IGSF11: variants seen among roughly 807,000 people sequenced by gnomAD.
IGSF11 encodes immunoglobulin superfamily member 11.
IGSF11 carries 22 observed loss-of-function variants against 41.0 expected under a neutral mutation model. The observed-to-expected ratio is 0.54, with a 90% CI of 0.38 to 0.77. The LOEUF is 0.77. Among genes scored for constraint, IGSF11 ranks in the 30% least tolerant of loss-of-function variants. IGSF11 has a pLI of 0.00. For synonymous variants in IGSF11, 219 were observed against 201.3 expected, an observed-to-expected ratio of 1.09 and a Z score of -0.74; for missense variants, 444 against 530.8, an observed-to-expected ratio of 0.84 and a Z score of 1.61.
At chr3:119,011,284 T>C (rs1003172220) in intron 1 of IGSF11, among the ~76,000 whole-genome samples, 2 of 151,810 alleles carry the variant, frequency 1.3e-5, no homozygotes, top group African/African-American at 2.4e-5. Flanking sequence ...AAATGGCCTG[T>C]AGAACCAACA....
intron 1 of IGSF11, among the ~76,000 whole-genome samples, chr3:119,059,615 A>G (rs1448300306): frequency 1.3e-5 from 2 of 152,104 alleles, no homozygotes; most frequent in East Asian, 3.8e-4. Context: ...GGGAAAGGGT[A>G]TTGGTGGATG....
intron 4 of IGSF11, among the ~76,000 whole-genome samples, chr3:118,914,161 A>C (rs943243997): frequency 6.6e-6 from 1 of 152,212 alleles, no homozygotes; most frequent in African/African-American, 2.4e-5. Context: ...GAGGAGAAAA[A>C]ATATTATAAA....
intron 1 of IGSF11, among the ~76,000 whole-genome samples, chr3:119,049,330 C>A (rs1190634456): frequency 2.0e-5 from 3 of 151,956 alleles, no homozygotes; most frequent in Middle Eastern, 3.4e-3. Context: ...GTGCAAAAAT[C>A]ACAAGCATTC....
At chr3:118,945,657 G>A (rs957160644) in intron 1 of IGSF11, among the ~76,000 whole-genome samples, 21 of 152,150 alleles carry the variant, frequency 1.4e-4, no homozygotes, top group African/African-American at 5.1e-4. Flanking sequence ...AGAGATTAGT[G>A]TTATTTCTAA....
chr3:118,961,968 G>A (rs573778477), intron 1 of IGSF11, among the ~76,000 whole-genome samples: 30 of 152,270 alleles, frequency 2.0e-4, no homozygotes, highest in African/African-American at 7.0e-4. Context: ...CCCCATGAAA[G>A]TTATTTCAGA....
chr3:119,044,601 C>T lies in IGSF11; in HGVS notation c.49+60543G>A, dbSNP rs561893152. 7.9e-5 allele frequency among the ~76,000 whole-genome samples: 12 copies of T among 152,230 alleles called. No homozygotes were observed. The South Asian group carries it at 2.3e-3, about 29-fold the overall frequency. ...TCACAAAAAGATCATCACCTAGGCA[C>T]AGAGTCAACAGGTTATCTAATATTA... On this transcript the variant is annotated intron_variant, in intron 1 of 6. Coordinates refer to the IGSF11 transcript ENST00000354673.
chr3:118,953,482 T>C (rs539116735), intron 1 of IGSF11, among the ~76,000 whole-genome samples: 1 of 152,332 alleles, frequency 6.6e-6, no homozygotes, highest in East Asian at 1.9e-4. Context: ...CTCCACACTG[T>C]TTTCCATAGT....
intron 1 of IGSF11, among the ~76,000 whole-genome samples, chr3:118,938,868 C>T (rs1200965427): frequency 6.6e-6 from 1 of 152,120 alleles, no homozygotes; most frequent in African/African-American, 2.4e-5. Context: ...GATAAAACGG[C>T]GTGCTGACTC....
In IGSF11 at chr3:118,904,639, C is replaced by T; in HGVS notation, c.854+9G>A. 6.3e-7 allele frequency: 1 copy of T among 1,597,658 alleles called. No individual in the cohort carries two copies. Among genetic ancestry groups the T allele is most frequent in the South Asian group, 1.1e-5 (1 of 89,140 alleles). On this transcript the variant is annotated intron_variant, in intron 6 of 6. Transcript: ENST00000393775. Reference sequence around the variant, plus strand: ...TGCAGGACAAATTTTAAAAATCTGACATACAAACCTTATTTCATTAGGAAT... The same window carrying T: ...TGCAGGACAAATTTTAAAAATCTGATATACAAACCTTATTTCATTAGGAAT...
chr3:119,067,540 G>A (rs1406072330), intron 1 of IGSF11, among the ~76,000 whole-genome samples: 2 of 152,118 alleles, frequency 1.3e-5, no homozygotes, highest in African/African-American at 4.8e-5. Context: ...GAGACTGCAG[G>A]GAATTTCACT....
chr3:119,135,133 G>T (rs4638961), intron 1 of IGSF11, among the ~76,000 whole-genome samples: 4 of 152,194 alleles, frequency 2.6e-5, no homozygotes, highest in South Asian at 2.1e-4. Flanking sequence ...AGGCAATACC[G>T]TTCAGGACAT....
At position 118,926,272 on chromosome 3, in the gene IGSF11, T is replaced by C. The variant is rs371111837; in HGVS notation, c.425-16A>G. 105 of 1,561,990 alleles carry C rather than the reference T, an allele frequency of 6.7e-5. No homozygotes were observed. Among genetic ancestry groups the C allele is most frequent in the Middle Eastern group, 5.5e-4 (3 of 5,502 alleles). ...GAAGGGGGAACTATAACAGGAAGAA[T>C]AAGCAATAAAGTACACATTTTACTG... is the stretch of plus-strand genomic sequence containing the variant. On this transcript the variant is annotated splice_polypyrimidine_tract_variant and intron_variant, in intron 3 of 6. Transcript: ENST00000393775.
In IGSF11 at chr3:118,931,235, C is replaced by T. The variant is rs557648687; in HGVS notation, c.53-960G>A. On this transcript the variant is annotated intron_variant, in intron 1 of 6. Transcript: ENST00000393775. ...AATGATCACAGACCTAAATAAAAAT[C>T]AACAGAAAATGTTCATAAACCTAAA... 7.9e-5 allele frequency among the ~76,000 whole-genome samples: 12 copies of T among 152,224 alleles called. No individual in the cohort carries two copies. In the South Asian group the frequency reaches 2.5e-3, roughly 32 times the overall value.
chr3:118,919,451 AC>A (rs1941517201), intron 4 of IGSF11, among the ~76,000 whole-genome samples: 1 of 115,168 alleles, frequency 8.7e-6, no homozygotes. Context: ...TGGGCGAAGG[AC>A]ATGAACAGAC....
chr3:119,091,267 A>T (rs1283256183), intron 1 of IGSF11, among the ~76,000 whole-genome samples: 3 of 152,234 alleles, frequency 2.0e-5, no homozygotes, highest in Non-Finnish European at 4.4e-5. Context: ...AATGTAAATT[A>T]GTTCAGCTTC....
chr3:119,117,821 T>C (rs554504598), intron 1 of IGSF11, among the ~76,000 whole-genome samples: 62 of 152,218 alleles, frequency 4.1e-4, no homozygotes, highest in Non-Finnish European at 8.1e-4. Context: ...TGGGTAAATA[T>C]TGCCATCCCA....
intron 1 of IGSF11, among the ~76,000 whole-genome samples, chr3:118,989,576 G>A (rs576526541): frequency 1.7e-3 from 263 of 152,108 alleles, no homozygotes; most frequent in African/African-American, 5.7e-3. Flanking sequence ...GGATGGTCTC[G>A]AACTCCTGAC....
chr3:119,006,296 C>T lies in IGSF11; in HGVS notation c.52+28235G>A, dbSNP rs1478613189. ...CTGCATTCTTCACGTAGTTCTCGAG[C>T]CTTGGTTTTCAGCTCCATCAGCTCC... On this transcript the variant is annotated intron_variant, in intron 1 of 6. Coordinates refer to ENST00000393775, the MANE Select transcript of IGSF11 (RefSeq NM_001015887.3). Among the ~76,000 whole-genome samples, 17 of 108,176 alleles carry T rather than the reference C, an allele frequency of 1.6e-4. 1 individual carries two copies. The highest frequency in any genetic ancestry group is 8.4e-4 in the African/African-American group (16 of 19,124). 71.0% of individuals were successfully genotyped at this position (108,176 alleles called of 152,430 possible). A position where few individuals can be genotyped will look rare whatever the true frequency, so the allele number is the denominator to read the frequency against.
At chr3:119,000,795 C>T (rs1936743020) in intron 1 of IGSF11, among the ~76,000 whole-genome samples, 1 of 152,172 alleles carries the variant, frequency 6.6e-6, no homozygotes, top group African/African-American at 2.4e-5. Context: ...CTTAACTCAT[C>T]TTCCTGTCCC....
Sources: gnomAD v4.1 joint callset for allele counts (sites outside exome capture counted in the v4.1 genomes callset) on GRCh38, gnomAD v4.1.1 for gene constraint, MANE v1.5 for transcripts, NCBI Gene and HGNC (gene_info 2026-07-23, HGNC 2026-07-21) for gene names.